AFAP1: variants seen among roughly 807,000 people sequenced by gnomAD.
The protein encoded by AFAP1 is actin filament-associated protein 1.
In AFAP1, 75 loss-of-function variants were observed where a neutral mutation model predicts 93.9. The observed-to-expected ratio is 0.80, with a 90% CI of 0.66 to 0.97. AFAP1 has a LOEUF of 0.97. Among genes scored for constraint, AFAP1 ranks in the 50% least tolerant of loss-of-function variants. The pLI is 0.00. For synonymous variants in AFAP1, 517 were observed against 430.7 expected, an observed-to-expected ratio of 1.20 and a Z score of -2.48; for missense variants, 1,201 against 1,050.8, an observed-to-expected ratio of 1.14 and a Z score of -1.98.
chr4:7,806,195 G>A (rs746751483), intron 9 of AFAP1, among the ~76,000 whole-genome samples: 7 of 152,200 alleles, frequency 4.6e-5, no homozygotes, highest in Admixed American at 3.9e-4. Flanking sequence ...TGCTAAATGC[G>A]TCAGTCAACG....
intron 3 of AFAP1, among the ~76,000 whole-genome samples, chr4:7,868,320 T>G (rs1394234988): frequency 1.3e-5 from 2 of 152,192 alleles, no homozygotes; most frequent in Non-Finnish European, 2.9e-5. Context: ...CCCTAATTTT[T>G]GTTTTTCTTA....
At position 7,811,660 on chromosome 4, in the gene AFAP1, C is replaced by T. The variant is rs144840960; in HGVS notation, c.905-1897G>A. On this transcript the variant is annotated intron_variant, in intron 8 of 17. Coordinates refer to ENST00000420658, the MANE Select transcript of AFAP1 (RefSeq NM_001134647.2). ...GCGTTAGTGCCCTTCTAAGAAGAGA[C>T]GGCACAGGCACAGAAGAAAGGCCGT... is the stretch of plus-strand genomic sequence containing the variant. Among the ~76,000 whole-genome samples, 954 of 152,232 alleles carry T rather than the reference C, an allele frequency of 6.3e-3. 7 individuals are homozygous for T. The highest frequency in any genetic ancestry group is 0.022 in the African/African-American group (907 of 41,548).
chr4:7,886,940 CAGAATTTAAAGACA>C (rs1391829120), intron 1 of AFAP1, among the ~76,000 whole-genome samples: 1 of 152,156 alleles, frequency 6.6e-6, no homozygotes, highest in African/African-American at 2.4e-5. Flanking sequence ...ACACTGAACT[CAGAATTTAAAGACA>C]AGTGAGATGT....
intron 1 of AFAP1, among the ~76,000 whole-genome samples, chr4:7,935,445 C>A (rs1414000172): frequency 6.6e-6 from 1 of 151,984 alleles, no homozygotes; most frequent in Non-Finnish European, 1.5e-5. Context: ...TTTGAGGTAG[C>A]CTGAAATAAT....
chr4:7,931,538 C>T (rs1017928615), intron 1 of AFAP1, among the ~76,000 whole-genome samples: 2 of 149,106 alleles, frequency 1.3e-5, no homozygotes, highest in Non-Finnish European at 1.5e-5. Flanking sequence ...TGCACCACCA[C>T]GCCCAGCATT....
intron 1 of AFAP1, among the ~76,000 whole-genome samples, chr4:7,910,087 T>C (rs951548566): frequency 3.3e-5 from 5 of 152,152 alleles, no homozygotes; most frequent in African/African-American, 7.2e-5. Flanking sequence ...ACTTCTTGTA[T>C]CTTCCCGGTC....
Position 7,800,500 on chromosome 4 carries a change from G to C in AFAP1, c.1208C>G (p.Ser403Cys), listed in dbSNP as rs28406288. The C allele has an allele frequency of 0.15, 239,648 of 1,614,028 alleles. 18,855 individuals are homozygous for C. Among genetic ancestry groups the C allele is most frequent in the Admixed American group, 0.2 (11,841 of 60,008 alleles). The change falls in exon 10 of 18, where the codon TCT becomes TGT. Residue 403 changes from serine (S) to cysteine (C), a missense_variant. Physicochemically the swap from Ser to Cys is moderately radical, Grantham distance 112. Coordinates refer to ENST00000420658, the MANE Select transcript of AFAP1 (RefSeq NM_001134647.2). ...CAGCCGGAACGTCAGAGGATGTTTA[G>C]AATCCAAACCCGGGATCACCTCGCA... ...RGCEVIPGLDSKHPLTFRLLR... is the reference protein window; with the variant it reads ...RGCEVIPGLDCKHPLTFRLLR...
chr4:7,925,476 G>C (rs191306232), intron 1 of AFAP1, among the ~76,000 whole-genome samples: 1 of 152,096 alleles, frequency 6.6e-6, no homozygotes, highest in Non-Finnish European at 1.5e-5. Context: ...ACTTTGGGAG[G>C]CCGAGTCAGG....
At chr4:7,800,249 C>T (rs1298605595) in intron 10 of AFAP1, among the ~76,000 whole-genome samples, 193 bp downstream of exon 10, 1 of 139,014 alleles carries the variant, frequency 7.2e-6, no homozygotes, top group Non-Finnish European at 1.6e-5. Context: ...TCGTATCTCC[C>T]AGAAAAAAAA....
chr4:7,811,102 C>G (rs139897069), intron 8 of AFAP1, among the ~76,000 whole-genome samples: 143 of 152,306 alleles, frequency 9.4e-4, no homozygotes, highest in African/African-American at 3.3e-3. Flanking sequence ...GTGCCCAGCA[C>G]TGGAGCTGAG....
intron 1 of AFAP1, among the ~76,000 whole-genome samples, chr4:7,879,631 G>T (rs1156685010): frequency 8.6e-5 from 13 of 150,358 alleles, no homozygotes; most frequent in Admixed American, 8.0e-4. Flanking sequence ...TTATACATTA[G>T]AAAAGCAAAA....
chr4:7,763,851 A>C, intron 17 of AFAP1, 60 bp from the exon 18 acceptor site: 3 of 1,527,672 alleles, frequency 2.0e-6, no homozygotes, highest in Non-Finnish European at 2.7e-6. Context: ...GGGACAAGCC[A>C]CGCCACCATC....
chr4:7,869,378 G>A (rs571406953), intron 2 of AFAP1, among the ~76,000 whole-genome samples: 2 of 152,206 alleles, frequency 1.3e-5, no homozygotes, highest in Admixed American at 1.3e-4. Flanking sequence ...TCTACTCAGG[G>A]CAGGCAGGAC....
At chr4:7,859,419 G>A (rs1014504623) in intron 3 of AFAP1, among the ~76,000 whole-genome samples, 14 of 150,666 alleles carry the variant, frequency 9.3e-5, no homozygotes, top group Non-Finnish European at 1.8e-4. Context: ...ACTCTGTCTC[G>A]AAAAAAAATA....
intron 1 of AFAP1, among the ~76,000 whole-genome samples, chr4:7,906,056 A>G (rs1478571281): frequency 6.6e-6 from 1 of 152,212 alleles, no homozygotes; most frequent in Non-Finnish European, 1.5e-5. Flanking sequence ...CTCCAAAATG[A>G]ATAGAAACCT....
chr4:7,934,252 A>C (rs1478738251), intron 1 of AFAP1, among the ~76,000 whole-genome samples: 3 of 152,188 alleles, frequency 2.0e-5, no homozygotes. Context: ...AGAAGACTAA[A>C]CACCAGACTA....
intron 6 of AFAP1, among the ~76,000 whole-genome samples, chr4:7,824,405 C>A (rs1721245681): frequency 6.9e-6 from 1 of 145,114 alleles, no homozygotes; most frequent in South Asian, 2.2e-4. Context: ...CACAAAGGCT[C>A]ATGTTTTCAG....
At chr4:7,896,394 G>A (rs974993833) in intron 1 of AFAP1, among the ~76,000 whole-genome samples, 6 of 152,002 alleles carry the variant, frequency 3.9e-5, no homozygotes, top group African/African-American at 9.7e-5. Flanking sequence ...CACCTCCAAC[G>A]AGGGGTCTGA....
chr4:7,854,998 C>T (rs372685301), intron 4 of AFAP1, among the ~76,000 whole-genome samples: 1 of 152,098 alleles, frequency 6.6e-6, no homozygotes, highest in African/African-American at 2.4e-5. Context: ...ACCTGTACCC[C>T]CAAAAAAGAA....
Sources: allele counts gnomAD v4.1 joint callset (sites outside exome capture counted in the v4.1 genomes callset), GRCh38; gene constraint gnomAD v4.1.1; transcripts MANE v1.5; gene names NCBI Gene and HGNC (gene_info 2026-07-23, HGNC 2026-07-21).